The following ZNF17 variants were observed in gnomAD, a reference collection of about 807,000 sequenced individuals.
ZNF17 encodes the protein zinc finger protein 17 (HPF3, KOX 10).
In ZNF17, 4 loss-of-function variants were observed where a neutral mutation model predicts 7.7. The observed-to-expected ratio is 0.52, with a 90% CI of 0.26 to 1.20. The LOEUF is 1.20. Ranked by LOEUF, ZNF17 falls within the 50% of genes most tolerant of loss-of-function variation. ZNF17 has a pLI of 0.14. For missense variants in ZNF17, 738 were observed against 799.5 expected (o/e 0.92, Z 0.93); for synonymous variants, 249 against 258.8 (o/e 0.96, Z 0.36).
chr19:57,412,717 T>C (rs2088786084), intron 1 of ZNF17, among the ~76,000 whole-genome samples: 1 of 152,182 alleles, frequency 6.6e-6, no homozygotes, highest in Admixed American at 6.5e-5. Flanking sequence ...GTGCTGGGAT[T>C]ACAGGCATGA....
Position 57,420,210 on chromosome 19 carries a change from C to A in ZNF17, c.724C>A (p.His242Asn). The A allele has an allele frequency of 6.2e-7, 1 of 1,613,240 alleles. No homozygotes were observed. Among genetic ancestry groups the A allele is most frequent in the South Asian group, 1.1e-5 (1 of 91,036 alleles). ...NSDLIKHQRN[H>N]TGERPYKCSE... ...CGACCTTATTAAACATCAGCGAAAT[C>A]ATACTGGAGAAAGGCCTTATAAGTG... Residue 242 changes from histidine (H) to asparagine (N), a missense_variant, in exon 4 of 4, where the codon CAT (histidine) becomes AAT (asparagine). His to Asn is a moderately conservative substitution (Grantham distance 68). Transcript: ENST00000307658.
Position 57,421,770 on chromosome 19 carries a change from G to C in ZNF17, c.*289G>C, listed in dbSNP as rs2088853723. On this transcript the variant is annotated 3_prime_UTR_variant, in exon 4 of 4. Coordinates refer to ENST00000307658, the MANE Select transcript of ZNF17 (RefSeq NM_001330617.2). ...GCACCGCTCTGTATGAATTTTACTA[G>C]TCCGGGTACCTCATATAAGAAAACT... 1 of 281,532 alleles carries C rather than the reference G, an allele frequency of 3.6e-6. No homozygotes were observed. Among genetic ancestry groups the C allele is most frequent in the Admixed American group, 4.8e-5 (1 of 20,752 alleles). The allele number at this position is 281,532 out of a possible 1,614,324, so 17.4% of individuals were successfully genotyped here.
rs529099873 is a variant in ZNF17 at position 57,417,620 on chromosome 19, A to C, written c.22-292A>C. On this transcript the variant is annotated intron_variant, in intron 2 of 3. Transcript: ENST00000307658. Reference sequence around the variant, plus strand: ...TCCCAGCAATTTGGGAGGCCAAGGCAGGCAGTTCACGAGGTCAGGAGTTCT... The same window carrying C: ...TCCCAGCAATTTGGGAGGCCAAGGCCGGCAGTTCACGAGGTCAGGAGTTCT... Among the ~76,000 whole-genome samples the C allele has an allele frequency of 2.0e-5, 3 of 152,226 alleles. No homozygotes were observed. The South Asian group carries it at 6.2e-4, about 32-fold the overall frequency.
At position 57,419,994 on chromosome 19, in the gene ZNF17, C is replaced by T; in HGVS notation, c.508C>T (p.His170Tyr). 6.2e-7 allele frequency: 1 copy of T among 1,614,220 alleles called. No homozygotes were observed. Among genetic ancestry groups the T allele is most frequent in the East Asian group, 2.2e-5 (1 of 44,886 alleles). The change falls in exon 4 of 4, where the codon CAC (histidine) becomes TAC (tyrosine). Residue 170 changes from histidine to tyrosine, a missense_variant. Around this residue, in one of 3 missense-constraint regions of ZNF17, gnomAD observed 616 missense variants for 663.9 expected, o/e 0.93. Transcript: ENST00000307658. ...GDSDLQQQAL[H>Y]SGWKPHRDTH... The stretch of plus-strand genomic sequence containing the variant: ...TTCAGATCTTCAACAACAGGCTCTT[C>T]ACAGTGGGTGGAAGCCACACAGGGA...
chr19:57,420,502 A>C lies in ZNF17; in HGVS notation c.1016A>C (p.Lys339Thr). 5 of 1,614,186 alleles carry C rather than the reference A, an allele frequency of 3.1e-6. No homozygotes were observed. The highest frequency in any genetic ancestry group is 4.2e-6 in the Non-Finnish European group (5 of 1,180,032). The change falls in exon 4 of 4, where the codon AAA becomes ACA. Residue 339 changes from lysine to threonine, a missense_variant. Physicochemically the swap from Lys to Thr is moderately conservative, Grantham distance 78. This residue lies in a region of ZNF17 where 616 missense variants were observed against 663.9 expected (regional missense o/e 0.93). Coordinates refer to ENST00000307658, the MANE Select transcript of ZNF17 (RefSeq NM_001330617.2). ...ERPYGCNECGKYFMYSSALIR... is the reference protein window; with the variant it reads ...ERPYGCNECGTYFMYSSALIR... The stretch of plus-strand genomic sequence containing the variant: ...CCTTATGGATGCAATGAATGTGGGA[A>C]ATACTTTATGTACAGTTCAGCACTC...
At chr19:57,418,315 T>A (rs2088824861) in intron 3 of ZNF17, among the ~76,000 whole-genome samples, 1 of 152,202 alleles carries the variant, frequency 6.6e-6, no homozygotes, top group Non-Finnish European at 1.5e-5. Flanking sequence ...CTGGTTAGTT[T>A]ACTCTGTCCA....
chr19:57,415,865 G>T (rs1347942383), intron 2 of ZNF17, among the ~76,000 whole-genome samples: 1 of 152,168 alleles, frequency 6.6e-6, no homozygotes, highest in African/African-American at 2.4e-5. Flanking sequence ...AATATTGGTT[G>T]TACCTGGGTA....
At chr19:57,416,793 C>G (rs2123066071) in intron 2 of ZNF17, among the ~76,000 whole-genome samples, 1 of 152,058 alleles carries the variant, frequency 6.6e-6, no homozygotes, top group South Asian at 2.1e-4. Flanking sequence ...GAGGCATGAG[C>G]CACCATGCCC....
intron 3 of ZNF17, among the ~76,000 whole-genome samples, 159 bp downstream of exon 3, chr19:57,418,197 A>T (rs1282864138): frequency 6.6e-6 from 1 of 152,030 alleles, no homozygotes; most frequent in Non-Finnish European, 1.5e-5. Flanking sequence ...TGTGATCTGT[A>T]TCAATTTTCC....
chr19:57,411,613 C>A (rs926864156), intron 1 of ZNF17: 1 of 1,383,676 alleles, frequency 7.2e-7, no homozygotes, highest in East Asian at 2.7e-5. Flanking sequence ...GCGGGCGGCA[C>A]TGGGGAGCCC....
At chr19:57,411,510 C>T in intron 1 of ZNF17, 104 bp downstream of exon 1, 2 of 1,509,256 alleles carry the variant, frequency 1.3e-6, no homozygotes, top group Non-Finnish European at 8.8e-7. Context: ...AAGAGAGGAG[C>T]GTTCTTGTGT....
At chr19:57,419,520 C>T (rs2088833112) in intron 3 of ZNF17, 115 bp from the exon 4 acceptor site, 2 of 1,164,368 alleles carry the variant, frequency 1.7e-6, no homozygotes, top group African/African-American at 1.5e-5. Context: ...TTTAATGTCC[C>T]ATGCCTGTCA....
rs2088846013 is a variant in ZNF17 at position 57,420,871 on chromosome 19, A to G, written c.1385A>G (p.His462Arg). Residue 462 changes from histidine to arginine, a missense_variant, in exon 4 of 4, where the codon CAT becomes CGT. His to Arg is a conservative substitution (Grantham distance 29, BLOSUM62 0). Around this residue, in one of 3 missense-constraint regions of ZNF17, gnomAD observed 616 missense variants for 663.9 expected, o/e 0.93. Coordinates refer to ENST00000307658, the MANE Select transcript of ZNF17 (RefSeq NM_001330617.2). ...FFRYCFTLNR[H>R]QRVHSGERPY... ...AGGTATTGCTTCACACTGAATAGAC[A>G]TCAGAGAGTTCACTCTGGAGAGAGG... The G allele has an allele frequency of 1.2e-6, 2 of 1,614,232 alleles. No individual in the cohort carries two copies. The highest frequency in any genetic ancestry group is 1.7e-6 in the Non-Finnish European group (2 of 1,180,040).
Position 57,411,282 on chromosome 19 carries a change from A to T in ZNF17, c.-145A>T. 1 of 1,473,106 alleles carries T rather than the reference A, an allele frequency of 6.8e-7. No homozygotes were observed. Among genetic ancestry groups the T allele is most frequent in the Non-Finnish European group, 9.2e-7 (1 of 1,082,754 alleles). 91.3% of individuals were successfully genotyped at this position (1,473,106 alleles called of 1,614,324 possible). The stretch of plus-strand genomic sequence containing the variant: ...AAGGTTTCCCCGTTGTACAGAGGCT[A>T]GAGTGAGGCTCGGTTGAATCGGTTG... On this transcript the variant is annotated 5_prime_UTR_variant, in exon 1 of 4. Transcript: ENST00000307658.
chr19:57,413,157 T>C (rs1424942743), intron 1 of ZNF17, among the ~76,000 whole-genome samples: 1 of 152,028 alleles, frequency 6.6e-6, no homozygotes, highest in Non-Finnish European at 1.5e-5. Flanking sequence ...GATTAGAGGC[T>C]TGAGCCACCA....
chr19:57,417,796 G>C, intron 2 of ZNF17, 116 bp from the exon 3 acceptor site: 7 of 1,309,934 alleles, frequency 5.3e-6, no homozygotes, highest in Non-Finnish European at 7.3e-6. Context: ...GCAGTGAGCC[G>C]AGATCACACC....
chr19:57,418,883 GTTTTTTTTTTGT>G (rs1459487300), intron 3 of ZNF17, among the ~76,000 whole-genome samples: 2 of 150,638 alleles, frequency 1.3e-5, no homozygotes, highest in Admixed American at 6.6e-5. Flanking sequence ...CCCGTTTTTT[GTTTTTTTTTTGT>G]TTTTGTTTTT....
chr19:57,411,353 C>T lies in ZNF17; in HGVS notation c.-74C>T. The T allele has an allele frequency of 1.9e-6, 3 of 1,610,622 alleles. No individual in the cohort carries two copies. The highest frequency in any genetic ancestry group is 2.5e-6 in the Non-Finnish European group (3 of 1,178,462). The stretch of plus-strand genomic sequence containing the variant: ...AGCGTCCAGGTCACTGCCGCTCCCG[C>T]CCCGCTCTTCCCTGGCTGTGCTGGC... On this transcript the variant is annotated 5_prime_UTR_variant, in exon 1 of 4. Coordinates refer to ENST00000307658, the MANE Select transcript of ZNF17 (RefSeq NM_001330617.2).
At position 57,411,351 on chromosome 19, in the gene ZNF17, C is replaced by G. The variant is rs2088774538; in HGVS notation, c.-76C>G. On this transcript the variant is annotated 5_prime_UTR_variant, in exon 1 of 4. Coordinates refer to ENST00000307658, the MANE Select transcript of ZNF17 (RefSeq NM_001330617.2). ...TCAGCGTCCAGGTCACTGCCGCTCCCGCCCCGCTCTTCCCTGGCTGTGCTG... is the reference window on the plus strand; with the variant it reads ...TCAGCGTCCAGGTCACTGCCGCTCCGGCCCCGCTCTTCCCTGGCTGTGCTG... 1 of 1,609,672 alleles carries G rather than the reference C, an allele frequency of 6.2e-7. No homozygotes were observed. Among genetic ancestry groups the G allele is most frequent in the Non-Finnish European group, 8.5e-7 (1 of 1,178,010 alleles).
Sources: allele counts gnomAD v4.1 joint callset (sites outside exome capture counted in the v4.1 genomes callset), GRCh38; gene constraint gnomAD v4.1.1; regional missense constraint gnomAD v4.1.1; transcripts MANE v1.5; gene names NCBI Gene and HGNC (gene_info 2026-07-23, HGNC 2026-07-21).